The following DIP2C variants were observed in gnomAD, a reference collection of about 807,000 sequenced individuals.
DIP2C encodes DIP2 acetate--CoA ligase C (putative).
In DIP2C, 33 loss-of-function variants were observed where a neutral mutation model predicts 192.4. That is an observed-to-expected ratio of 0.17 (90% CI 0.13 to 0.23). The LOEUF (loss-of-function observed/expected upper bound fraction) is 0.23. DIP2C is among the 10% of genes least tolerant of loss of function. DIP2C has a pLI of 1.00. For synonymous variants in DIP2C, 979 were observed against 864.1 expected (o/e 1.13, Z -2.33); for missense variants, 1,537 against 2,110.1 (o/e 0.73, Z 5.32).
At chr10:384,663 A>C (rs765175516) in intron 14 of DIP2C, 24 bp from the exon 15 acceptor site, 9 of 1,612,184 alleles carry the variant, frequency 5.6e-6, no homozygotes, top group African/African-American at 1.3e-5. Context: ...AGGAACACGC[A>C]GGGTGAGCAT....
chr10:619,662 A>AC (rs1348425712), intron 1 of DIP2C, among the ~76,000 whole-genome samples: 2 of 152,024 alleles, frequency 1.3e-5, no homozygotes, highest in East Asian at 3.9e-4. Flanking sequence ...ACCCACACAG[A>AC]CCCCAGGAAT....
intron 1 of DIP2C, among the ~76,000 whole-genome samples, chr10:563,027 C>T (rs1228966548): frequency 2.0e-5 from 3 of 152,246 alleles, no homozygotes; most frequent in Non-Finnish European, 4.4e-5. Context: ...TCCTTGAAGG[C>T]TTTTCTCACC....
Position 651,205 on chromosome 10 carries a change from C to G in DIP2C, c.85+38289G>C. ...ACCGTCCTCCACGCATATCTACAGACCCTGTCCTCACCTGCATCACACCAA... is the reference window on the plus strand; with the variant it reads ...ACCGTCCTCCACGCATATCTACAGAGCCTGTCCTCACCTGCATCACACCAA... On this transcript the variant is annotated intron_variant, in intron 1 of 36. Coordinates refer to ENST00000280886, the MANE Select transcript of DIP2C (RefSeq NM_014974.3). This position sits in a 1 kb window ranked among gnomAD's most constrained non-coding sequence, Gnocchi z 4.1. 1 of 717,380 alleles carries G rather than the reference C, an allele frequency of 1.4e-6. No individual in the cohort carries two copies. Among genetic ancestry groups the G allele is most frequent in the South Asian group, 1.5e-5 (1 of 67,606 alleles). 44.4% of individuals were successfully genotyped at this position (717,380 alleles called of 1,614,324 possible).
intron 3 of DIP2C, among the ~76,000 whole-genome samples, chr10:451,359 A>G (rs900994989): frequency 2.4e-4 from 36 of 152,190 alleles, no homozygotes; most frequent in African/African-American, 8.7e-4. Context: ...CAAAACACTC[A>G]CAGGGTATTA....
chr10:384,704 C>T, intron 14 of DIP2C, 65 bp from the exon 15 acceptor site: 9 of 1,536,458 alleles, frequency 5.9e-6, no homozygotes, highest in Non-Finnish European at 8.1e-6. Flanking sequence ...AGCTCTCACC[C>T]AGTGGCATGG....
At chr10:504,395 C>T (rs1845445181) in intron 1 of DIP2C, among the ~76,000 whole-genome samples, 1 of 152,160 alleles carries the variant, frequency 6.6e-6, no homozygotes, top group East Asian at 1.9e-4. Flanking sequence ...CTATTCCAGG[C>T]ACGAACTACC....
intron 1 of DIP2C, among the ~76,000 whole-genome samples, chr10:522,222 C>T (rs952530595): frequency 6.6e-6 from 1 of 152,206 alleles, no homozygotes; most frequent in Admixed American, 6.5e-5. Flanking sequence ...TAGCAACATG[C>T]ATTTAAGATC....
chr10:676,858 T>A (rs1445520092), intron 1 of DIP2C, among the ~76,000 whole-genome samples: 1 of 151,936 alleles, frequency 6.6e-6, no homozygotes, highest in Admixed American at 6.6e-5. Flanking sequence ...AAAAATGAGG[T>A]TTAGTGTTCT....
chr10:295,899 T>C (rs929648764), intron 32 of DIP2C, among the ~76,000 whole-genome samples: 9 of 152,326 alleles, frequency 5.9e-5, no homozygotes, highest in Admixed American at 3.9e-4. Flanking sequence ...CATGTGTTTT[T>C]TGGCTGCATA....
Position 284,673 on chromosome 10 carries a change from G to A in DIP2C, c.4120-1227C>T, listed in dbSNP as rs78562284. Among the ~76,000 whole-genome samples, 653 of 152,204 alleles carry A rather than the reference G, an allele frequency of 4.3e-3. 9 individuals carry two copies. Among genetic ancestry groups the A allele is most frequent in the South Asian group, 0.024 (115 of 4,818 alleles). On this transcript the variant is annotated intron_variant, in intron 34 of 36. Transcript: ENST00000280886. ...AGGTTATGGGGAGAAAATGTAGTGC[G>A]GTGACTACAGTTAATAATACTATAT...
chr10:688,669 A>G (rs1190341727), intron 1 of DIP2C, among the ~76,000 whole-genome samples: 1 of 146,622 alleles, frequency 6.8e-6, no homozygotes, highest in Non-Finnish European at 1.5e-5. Context: ...GGTTTTGGGG[A>G]AAAGACCTGG....
At chr10:302,952 C>A (rs957590461) in intron 32 of DIP2C, among the ~76,000 whole-genome samples, 2 of 151,672 alleles carry the variant, frequency 1.3e-5, no homozygotes, top group Non-Finnish European at 2.9e-5. Context: ...TCACCTCACA[C>A]GGCTGTAGAT....
At chr10:413,114 G>A (rs1388629275) in intron 8 of DIP2C, among the ~76,000 whole-genome samples, 1 of 152,182 alleles carries the variant, frequency 6.6e-6, no homozygotes, top group Non-Finnish European at 1.5e-5. Context: ...GGGACTACAG[G>A]CATGAGCCAT....
chr10:279,302 C>T (rs1264601375), intron 36 of DIP2C, among the ~76,000 whole-genome samples: 1 of 152,138 alleles, frequency 6.6e-6, no homozygotes, highest in Non-Finnish European at 1.5e-5. Context: ...ACGTCTCAGG[C>T]GCATTTGGTA....
chr10:596,285 G>A (rs949405167), intron 1 of DIP2C, among the ~76,000 whole-genome samples: 4 of 152,056 alleles, frequency 2.6e-5, no homozygotes, highest in African/African-American at 4.8e-5. Context: ...CAAGGTGGGT[G>A]CATCACCTGA....
At chr10:408,409 C>CGT (rs1306412619) in intron 9 of DIP2C, among the ~76,000 whole-genome samples, 1 of 152,104 alleles carries the variant, frequency 6.6e-6, no homozygotes, top group African/African-American at 2.4e-5. Context: ...AGAGGCCAAA[C>CGT]GTGTTCAATA....
chr10:503,424 A>G (rs984846601), intron 1 of DIP2C, among the ~76,000 whole-genome samples: 2 of 152,204 alleles, frequency 1.3e-5, no homozygotes, highest in African/African-American at 4.8e-5. Flanking sequence ...ACCACAAAAG[A>G]GAGTGGCAGT....
intron 1 of DIP2C, among the ~76,000 whole-genome samples, chr10:557,510 C>G (rs949869407): frequency 6.6e-5 from 10 of 151,494 alleles, no homozygotes; most frequent in African/African-American, 2.2e-4. Context: ...GCTGTCTCAT[C>G]TGTTCCCACG....
intron 1 of DIP2C, among the ~76,000 whole-genome samples, chr10:625,507 G>A (rs949625988): frequency 1.6e-4 from 24 of 152,108 alleles, no homozygotes; most frequent in Non-Finnish European, 3.1e-4. Context: ...GCTCCCCTAC[G>A]GGGAGCCTGC....
Sources: allele counts gnomAD v4.1 joint callset (sites outside exome capture counted in the v4.1 genomes callset), GRCh38; gene constraint gnomAD v4.1.1; non-coding constraint Gnocchi (gnomAD v3.1); transcripts MANE v1.5; gene names NCBI Gene and HGNC (gene_info 2026-07-23, HGNC 2026-07-21).